CCBE1: variants seen among roughly 807,000 people sequenced by gnomAD.
CCBE1 encodes the protein collagen and calcium binding EGF domains 1, also known as collagen and calcium-binding EGF domain-containing protein 1.
CCBE1 carries 37 observed loss-of-function variants against 50.0 expected under a neutral mutation model. The observed-to-expected ratio is 0.74, with a 90% CI of 0.57 to 0.97. CCBE1 has a LOEUF of 0.97. CCBE1 is among the 50% of genes least tolerant of loss of function. The pLI, the probability that CCBE1 is intolerant of heterozygous loss-of-function variation, is 0.00. For synonymous variants in CCBE1, 234 were observed against 203.7 expected (o/e 1.15, Z -1.27); for missense variants, 538 against 523.8 (o/e 1.03, Z -0.26).
At chr18:59,590,547 A>G (rs773362343) in intron 2 of CCBE1, among the ~76,000 whole-genome samples, 13 of 152,346 alleles carry the variant, frequency 8.5e-5, no homozygotes, top group Admixed American at 1.3e-4. Context: ...AAAACTGAAC[A>G]TGCAAGAATA....
intron 2 of CCBE1, among the ~76,000 whole-genome samples, chr18:59,522,469 A>C (rs985034823): frequency 6.6e-6 from 1 of 152,270 alleles, no homozygotes; most frequent in Admixed American, 6.5e-5. Context: ...GTTAATAAAA[A>C]CAAGTAAGAT....
intron 2 of CCBE1, among the ~76,000 whole-genome samples, chr18:59,663,823 G>A (rs1461082651): frequency 6.6e-6 from 1 of 152,164 alleles, no homozygotes; most frequent in African/African-American, 2.4e-5. Context: ...TTATGAAAAG[G>A]CAGGGAAGAA....
chr18:59,467,592 C>G (rs1403718777), intron 4 of CCBE1, among the ~76,000 whole-genome samples: 6 of 152,190 alleles, frequency 3.9e-5, no homozygotes, highest in Admixed American at 1.3e-4. Flanking sequence ...GTTAACTATG[C>G]ACATCATGGA....
chr18:59,684,838 G>C (rs2054636006), intron 2 of CCBE1, among the ~76,000 whole-genome samples: 2 of 152,148 alleles, frequency 1.3e-5, no homozygotes, highest in South Asian at 4.1e-4. Context: ...ATTATGTTGT[G>C]ATGCATACAG....
chr18:59,529,433 G>A (rs761947592), intron 2 of CCBE1, among the ~76,000 whole-genome samples: 15 of 152,262 alleles, frequency 9.9e-5, no homozygotes, highest in Non-Finnish European at 1.9e-4. Context: ...CTACAGCCAA[G>A]TGGCTATGGA....
intron 7 of CCBE1, among the ~76,000 whole-genome samples, chr18:59,440,019 G>A (rs530514121): frequency 2.0e-5 from 3 of 152,294 alleles, no homozygotes; most frequent in East Asian, 3.9e-4. Flanking sequence ...TCTTTTCGCG[G>A]ACTGCCAGTC....
chr18:59,468,394 T>G (rs748155013), intron 4 of CCBE1, among the ~76,000 whole-genome samples: 5 of 151,648 alleles, frequency 3.3e-5, no homozygotes, highest in Non-Finnish European at 7.4e-5. Context: ...CAAAAATAAA[T>G]GCATAAAGAA....
At chr18:59,574,314 A>G (rs967010115) in intron 2 of CCBE1, among the ~76,000 whole-genome samples, 1 of 152,242 alleles carries the variant, frequency 6.6e-6, no homozygotes, top group Non-Finnish European at 1.5e-5. Flanking sequence ...AACTTCCAAT[A>G]ATTTAGTTGA....
chr18:59,635,233 C>G (rs2053899883), intron 2 of CCBE1, among the ~76,000 whole-genome samples: 1 of 152,056 alleles, frequency 6.6e-6, no homozygotes, highest in South Asian at 2.1e-4. Flanking sequence ...ATGGGAAGCC[C>G]CTAGCAATCT....
At chr18:59,513,827 G>C (rs1377419542) in intron 2 of CCBE1, among the ~76,000 whole-genome samples, 4 of 152,184 alleles carry the variant, frequency 2.6e-5, no homozygotes, top group Non-Finnish European at 2.9e-5. Flanking sequence ...ACTCATGTCT[G>C]ACTGGCTCCA....
Position 59,493,814 on chromosome 18 carries a change from G to A in CCBE1, c.213-13576C>T, listed in dbSNP as rs189214561. Among the ~76,000 whole-genome samples the A allele has an allele frequency of 4.7e-4, 71 of 152,272 alleles. 1 individual carries two copies. The highest frequency in any genetic ancestry group is 3.3e-3 in the Admixed American group (51 of 15,298). On this transcript the variant is annotated intron_variant, in intron 2 of 10. Coordinates refer to ENST00000439986, the MANE Select transcript of CCBE1 (RefSeq NM_133459.4). ...TCTCCCACAATTCCCACATGTCATA[G>A]GAGGAACCCAGTAAGAGCTAATTGA...
At chr18:59,476,232 T>C (rs1457278232) in intron 3 of CCBE1, among the ~76,000 whole-genome samples, 5 of 152,304 alleles carry the variant, frequency 3.3e-5, no homozygotes, top group Non-Finnish European at 7.4e-5. Context: ...GATGATGCCA[T>C]TAAGCACTGT....
intron 5 of CCBE1, among the ~76,000 whole-genome samples, chr18:59,455,491 G>GC (rs543873943): frequency 2.3e-4 from 35 of 152,302 alleles, no homozygotes; most frequent in African/African-American, 7.7e-4. Flanking sequence ...TCCATCTGGG[G>GC]CCATTCAGGA....
At chr18:59,490,156 TGTATTTTTA>T (rs1190343998) in intron 2 of CCBE1, among the ~76,000 whole-genome samples, 1 of 152,050 alleles carries the variant, frequency 6.6e-6, no homozygotes, top group Non-Finnish European at 1.5e-5. Flanking sequence ...GCTAATTTTT[TGTATTTTTA>T]GTAGAGACGG....
At chr18:59,581,861 C>T (rs756299757) in intron 2 of CCBE1, among the ~76,000 whole-genome samples, 7 of 152,116 alleles carry the variant, frequency 4.6e-5, no homozygotes, top group East Asian at 1.9e-4. Context: ...CCCACCTCCC[C>T]GCTGAGAACC....
chr18:59,640,731 A>G (rs1300036877), intron 2 of CCBE1, among the ~76,000 whole-genome samples: 4 of 152,178 alleles, frequency 2.6e-5, no homozygotes, highest in African/African-American at 9.7e-5. Context: ...ATATCTACAA[A>G]CTATGTATCT....
intron 2 of CCBE1, among the ~76,000 whole-genome samples, chr18:59,494,290 A>T (rs1005877900): frequency 6.6e-6 from 1 of 152,194 alleles, no homozygotes; most frequent in Non-Finnish European, 1.5e-5. Flanking sequence ...GGGTGGCCCA[A>T]ATCCACTTTC....
chr18:59,482,878 A>G (rs191507087), intron 2 of CCBE1, among the ~76,000 whole-genome samples: 2 of 152,082 alleles, frequency 1.3e-5, no homozygotes. Context: ...TAAAGGTTAA[A>G]TTACCGTTTT....
rs1196723264 is a variant in CCBE1, at chr18:59,543,343, AAT to A, written c.213-63107_213-63106del. On this transcript the variant is annotated intron_variant, in intron 2 of 10. Coordinates refer to ENST00000439986, the MANE Select transcript of CCBE1 (RefSeq NM_133459.4). Reference sequence around the variant, plus strand: ...ATTATTTAGGGAAAGTTTTCAGTGAAATATACAGTATTAAAGTATTTTTATTG... The same window carrying A: ...ATTATTTAGGGAAAGTTTTCAGTGAAATACAGTATTAAAGTATTTTTATTG... Among the ~76,000 whole-genome samples, 15 of 152,232 alleles carry A rather than the reference AAT, an allele frequency of 9.9e-5. 1 individual carries two copies. Among genetic ancestry groups the A allele is most frequent in the Admixed American group, 4.6e-4 (7 of 15,288 alleles).
Sources: allele counts gnomAD v4.1 joint callset (sites outside exome capture counted in the v4.1 genomes callset), GRCh38; gene constraint gnomAD v4.1.1; transcripts MANE v1.5; gene names NCBI Gene and HGNC (gene_info 2026-07-23, HGNC 2026-07-21).